The following CDKAL1 variants were observed in gnomAD, a reference collection of about 807,000 sequenced individuals.
CDKAL1 encodes threonylcarbamoyladenosine tRNA methylthiotransferase.
CDKAL1 carries 32 observed loss-of-function variants against 68.2 expected under a neutral mutation model. The observed-to-expected ratio is 0.47, with a 90% CI of 0.35 to 0.63. The LOEUF (loss-of-function observed/expected upper bound fraction) is 0.63, where lower values mean the gene tolerates loss of function less well. Ranked by LOEUF, CDKAL1 falls within the 30% of genes least tolerant of loss-of-function variation. CDKAL1 has a pLI of 0.00. For missense variants in CDKAL1, 606 were observed against 696.7 expected, an observed-to-expected ratio of 0.87 and a Z score of 1.47; for synonymous variants, 234 against 244.3, an observed-to-expected ratio of 0.96 and a Z score of 0.39.
intron 4 of CDKAL1, among the ~76,000 whole-genome samples, chr6:20,579,077 A>G (rs902709320): frequency 1.3e-5 from 2 of 152,206 alleles, no homozygotes; most frequent in Admixed American, 6.5e-5. Flanking sequence ...TCCTGGGTTC[A>G]AGCGATTCTC....
intron 9 of CDKAL1, among the ~76,000 whole-genome samples, chr6:20,933,347 A>G (rs904020439): frequency 1.3e-5 from 2 of 152,208 alleles, no homozygotes; most frequent in Non-Finnish European, 2.9e-5. Context: ...TATGTCAACA[A>G]TGTTATTTAG....
At chr6:21,095,387 G>A (rs1192864904) in intron 12 of CDKAL1, among the ~76,000 whole-genome samples, 1 of 152,150 alleles carries the variant, frequency 6.6e-6, no homozygotes, top group Non-Finnish European at 1.5e-5. Context: ...CACTGTCTGG[G>A]CATCCTTTTC....
chr6:20,998,763 A>G (rs1767261532), intron 10 of CDKAL1, among the ~76,000 whole-genome samples: 1 of 152,262 alleles, frequency 6.6e-6, no homozygotes, highest in South Asian at 2.1e-4. Flanking sequence ...TAACAAGGTT[A>G]ATAAGGTATA....
chr6:21,003,371 T>TATATATATACACACACAC, intron 11 of CDKAL1, among the ~76,000 whole-genome samples: 1 of 49,304 alleles, frequency 2.0e-5, no homozygotes, highest in Non-Finnish European at 3.4e-5. Context: ...TATATATATA[T>TATATATATACACACACAC]ACACACACAC....
intron 13 of CDKAL1, among the ~76,000 whole-genome samples, chr6:21,139,999 C>T (rs1313843097): frequency 1.3e-5 from 2 of 152,108 alleles, no homozygotes; most frequent in Non-Finnish European, 2.9e-5. Context: ...TGTTGATAAT[C>T]TCAGCTTTCT....
At chr6:20,977,859 C>T (rs949905575) in intron 10 of CDKAL1, among the ~76,000 whole-genome samples, 1 of 152,132 alleles carries the variant, frequency 6.6e-6, no homozygotes, top group African/African-American at 2.4e-5. Flanking sequence ...GCCTGAGCAA[C>T]AGAGTGAGAC....
rs143772041 is a variant in CDKAL1, at chr6:21,143,289, A to C, written c.1299+34826A>C. Among the ~76,000 whole-genome samples the C allele has an allele frequency of 7.2e-5, 11 of 152,286 alleles. No individual in the cohort carries two copies. In the East Asian group the frequency reaches 2.1e-3, roughly 29 times the overall value. On this transcript the variant is annotated intron_variant, in intron 13 of 15. Coordinates refer to ENST00000274695, the MANE Select transcript of CDKAL1 (RefSeq NM_017774.3). ...ACACACACAGTAACAAATCTCTCAAAGTTTGTTTTTCTCTCAACGTTTCTC... is the reference window on the plus strand; with the variant it reads ...ACACACACAGTAACAAATCTCTCAACGTTTGTTTTTCTCTCAACGTTTCTC...
chr6:20,544,240 T>C (rs1703761381), intron 2 of CDKAL1, among the ~76,000 whole-genome samples: 1 of 152,128 alleles, frequency 6.6e-6, no homozygotes, highest in Admixed American at 6.5e-5. Context: ...GTTCCATTGA[T>C]CTATATTTCT....
intron 4 of CDKAL1, among the ~76,000 whole-genome samples, chr6:20,591,451 T>C (rs981810309): frequency 3.9e-5 from 6 of 152,324 alleles, no homozygotes; most frequent in African/African-American, 1.4e-4. Context: ...TGAATGGTAT[T>C]GCCTAGGTTT....
At chr6:21,180,591 T>C (rs1248333759) in intron 13 of CDKAL1, among the ~76,000 whole-genome samples, 1 of 152,184 alleles carries the variant, frequency 6.6e-6, no homozygotes, top group African/African-American at 2.4e-5. Context: ...AGTAAGGAAA[T>C]TGAATTAACA....
At chr6:21,046,066 C>A (rs1474889579) in intron 11 of CDKAL1, among the ~76,000 whole-genome samples, 5 of 152,182 alleles carry the variant, frequency 3.3e-5, no homozygotes, top group Admixed American at 6.5e-5. Context: ...TCTGTGTCCA[C>A]TGCCATGTCT....
chr6:21,064,471 G>A (rs946590155), intron 11 of CDKAL1, among the ~76,000 whole-genome samples: 2 of 152,144 alleles, frequency 1.3e-5, no homozygotes, highest in Non-Finnish European at 2.9e-5. Context: ...ATTTTTGATA[G>A]CCCTAATGGA....
In CDKAL1 at chr6:20,758,590, T is replaced by C. The variant is rs191863248; in HGVS notation, c.469-5T>C. The C allele has an allele frequency of 4.4e-6, 7 of 1,593,378 alleles. No homozygotes were observed. The South Asian group carries it at 7.0e-5, about 16-fold the overall frequency. ...ACTTGTGTAATCGTTTTTTTTTTTT[T>C]CCAGGTTCAGCAGATAGATCGTGTG... On this transcript the variant is annotated splice_region_variant and splice_polypyrimidine_tract_variant and intron_variant, in intron 6 of 15. Transcript: ENST00000274695.
intron 5 of CDKAL1, among the ~76,000 whole-genome samples, chr6:20,698,850 G>A (rs1244019113): frequency 6.6e-6 from 1 of 152,148 alleles, no homozygotes; most frequent in Non-Finnish European, 1.5e-5. Flanking sequence ...TTATCTGGGG[G>A]AATTCAGCCC....
At chr6:20,890,776 G>A (rs1761351914) in intron 9 of CDKAL1, among the ~76,000 whole-genome samples, 1 of 152,138 alleles carries the variant, frequency 6.6e-6, no homozygotes, top group African/African-American at 2.4e-5. Flanking sequence ...GGGAAATATT[G>A]CATTTAGATT....
At chr6:21,007,503 A>T (rs1273487658) in intron 11 of CDKAL1, among the ~76,000 whole-genome samples, 1 of 150,980 alleles carries the variant, frequency 6.6e-6, no homozygotes, top group Non-Finnish European at 1.5e-5. Flanking sequence ...AAAAAAAAAA[A>T]AAAAAAGCCC....
At chr6:20,714,111 CT>C (rs66460913) in intron 5 of CDKAL1, among the ~76,000 whole-genome samples, 1 of 151,298 alleles carries the variant, frequency 6.6e-6, no homozygotes. Flanking sequence ...GAAAGATGTT[CT>C]TTTTTTTATC....
chr6:20,749,671 C>T (rs1773829236), intron 6 of CDKAL1, among the ~76,000 whole-genome samples: 1 of 151,934 alleles, frequency 6.6e-6, no homozygotes, highest in Non-Finnish European at 1.5e-5. Flanking sequence ...CCTCAGCCTC[C>T]CAAGTAGCTG....
intron 4 of CDKAL1, among the ~76,000 whole-genome samples, chr6:20,555,440 C>T (rs1318470706): frequency 6.6e-6 from 1 of 151,976 alleles, no homozygotes; most frequent in African/African-American, 2.4e-5. Context: ...CCTGCCTCAG[C>T]CTCCTGAGTA....
Sources: gnomAD v4.1 joint callset for allele counts (sites outside exome capture counted in the v4.1 genomes callset) on GRCh38, gnomAD v4.1.1 for gene constraint, MANE v1.5 for transcripts, NCBI Gene and HGNC (gene_info 2026-07-23, HGNC 2026-07-21) for gene names.